The following DLG2 variants were observed in gnomAD, a reference collection of about 807,000 sequenced individuals.
The protein encoded by DLG2 is disks large homolog 2.
In DLG2, 45 loss-of-function variants were observed where a neutral mutation model predicts 132.5. The observed-to-expected ratio is 0.34, with a 90% CI of 0.27 to 0.44. DLG2 has a LOEUF of 0.44. DLG2 is among the 20% of genes least tolerant of loss of function. The pLI, the probability that DLG2 is intolerant of heterozygous loss-of-function variation, is 1.00. For synonymous variants in DLG2, 424 were observed against 419.6 expected, an observed-to-expected ratio of 1.01 and a Z score of -0.13; for missense variants, 1,045 against 1,196.9, an observed-to-expected ratio of 0.87 and a Z score of 1.87.
At chr11:83,916,944 G>A in intron 15 of DLG2, among the ~76,000 whole-genome samples, 1 of 152,080 alleles carries the variant, frequency 6.6e-6, no homozygotes, top group East Asian at 1.9e-4. Context: ...TGAGTCTCTT[G>A]ATTTTGCTGG....
chr11:84,600,134 A>C (rs1235384695), intron 6 of DLG2, among the ~76,000 whole-genome samples: 1 of 147,698 alleles, frequency 6.8e-6, no homozygotes, highest in Non-Finnish European at 1.5e-5. Context: ...AAGAGAAAGA[A>C]AGAAAGAAGG....
At chr11:85,006,738 C>T (rs1354598819) in intron 6 of DLG2, among the ~76,000 whole-genome samples, 1 of 151,778 alleles carries the variant, frequency 6.6e-6, no homozygotes, top group African/African-American at 2.4e-5. Flanking sequence ...TTCAGTTCTG[C>T]TCTGATCTTA....
At chr11:84,373,270 C>CAA (rs1299753951) in intron 7 of DLG2, among the ~76,000 whole-genome samples, 5 of 45,162 alleles carry the variant, frequency 1.1e-4, no homozygotes, top group South Asian at 7.4e-4. Context: ...AAAAACAAAA[C>CAA]AAAAAAAAAA....
chr11:83,808,385 C>A (rs966828971), intron 17 of DLG2, among the ~76,000 whole-genome samples: 1 of 152,142 alleles, frequency 6.6e-6, no homozygotes, highest in Non-Finnish European at 1.5e-5. Flanking sequence ...GAGAGGCTGG[C>A]TGCAGGTTCT....
At chr11:84,761,294 G>T (rs2067597756) in intron 6 of DLG2, among the ~76,000 whole-genome samples, 1 of 152,202 alleles carries the variant, frequency 6.6e-6, no homozygotes, top group Admixed American at 6.5e-5. Context: ...TGTAACATTT[G>T]GTAATGAAGC....
intron 6 of DLG2, among the ~76,000 whole-genome samples, chr11:84,937,947 C>G (rs2048946698): frequency 6.6e-6 from 1 of 152,118 alleles, no homozygotes; most frequent in African/African-American, 2.4e-5. Context: ...TGAGAAAACT[C>G]TGGCCCAGAA....
chr11:85,432,455 T>C (rs546819912), intron 3 of DLG2, among the ~76,000 whole-genome samples: 40 of 152,084 alleles, frequency 2.6e-4, no homozygotes, highest in Non-Finnish European at 5.6e-4. Context: ...TTACAGGAGC[T>C]ACTAACTAGA....
intron 3 of DLG2, among the ~76,000 whole-genome samples, chr11:85,324,750 G>C (rs1423011137): frequency 2.0e-5 from 3 of 152,168 alleles, no homozygotes; most frequent in Non-Finnish European, 4.4e-5. Flanking sequence ...AGAAGAAAAA[G>C]AAGTTGGGGA....
chr11:84,451,961 G>T (rs2099052747), intron 7 of DLG2, among the ~76,000 whole-genome samples: 2 of 151,664 alleles, frequency 1.3e-5, no homozygotes, highest in African/African-American at 4.8e-5. Context: ...TGAACTCACA[G>T]ATCTATCACA....
At chr11:84,359,743 T>C (rs1315724570) in intron 7 of DLG2, among the ~76,000 whole-genome samples, 1 of 151,428 alleles carries the variant, frequency 6.6e-6, no homozygotes, top group Non-Finnish European at 1.5e-5. Flanking sequence ...CATCCTTTCT[T>C]CTTAAGCATA....
At chr11:83,610,018 A>G (rs2059882841) in intron 19 of DLG2, among the ~76,000 whole-genome samples, 1 of 152,166 alleles carries the variant, frequency 6.6e-6, no homozygotes, top group Non-Finnish European at 1.5e-5. Context: ...TGACAGTGTA[A>G]CCCCAGGGTC....
chr11:83,528,066 C>T (rs1009807200), intron 21 of DLG2, among the ~76,000 whole-genome samples: 4 of 152,172 alleles, frequency 2.6e-5, no homozygotes, highest in African/African-American at 9.7e-5. Context: ...AGCTTGACTG[C>T]ATTGCTATCT....
At chr11:85,027,483 C>T (rs76326302) in intron 6 of DLG2, among the ~76,000 whole-genome samples, 2,980 of 152,300 alleles carry the variant, frequency 0.02, 53 homozygotes, top group Admixed American at 0.042. Flanking sequence ...GTTCCACCCA[C>T]TTGGCCTGGC....
At chr11:84,518,370 A>T (rs2099280010) in intron 7 of DLG2, among the ~76,000 whole-genome samples, 1 of 152,122 alleles carries the variant, frequency 6.6e-6, no homozygotes, top group South Asian at 2.1e-4. Flanking sequence ...CATAGAAAAT[A>T]ATTTAGCTAA....
intron 6 of DLG2, among the ~76,000 whole-genome samples, chr11:84,546,049 C>A (rs2099389178): frequency 1.3e-5 from 2 of 152,112 alleles, no homozygotes; most frequent in African/African-American, 4.8e-5. Flanking sequence ...ACCCACCATG[C>A]CTGGCTCTTA....
At chr11:84,224,880 A>G (rs2096967996) in intron 8 of DLG2, among the ~76,000 whole-genome samples, 1 of 152,096 alleles carries the variant, frequency 6.6e-6, no homozygotes, top group Non-Finnish European at 1.5e-5. Flanking sequence ...TTTGTATATG[A>G]CTGTCTTATC....
intron 3 of DLG2, among the ~76,000 whole-genome samples, chr11:85,408,146 T>C (rs1411853636): frequency 6.7e-6 from 1 of 149,820 alleles, no homozygotes; most frequent in South Asian, 2.1e-4. Flanking sequence ...ATATTTATTA[T>C]TTATAAAATA....
intron 19 of DLG2, among the ~76,000 whole-genome samples, chr11:83,623,273 T>C (rs1490448728): frequency 6.6e-6 from 1 of 152,200 alleles, no homozygotes. Flanking sequence ...TCTGAGATGA[T>C]TACCAAATAG....
intron 3 of DLG2, among the ~76,000 whole-genome samples, chr11:85,556,694 T>C (rs747388969): frequency 1.3e-5 from 2 of 151,960 alleles, no homozygotes; most frequent in South Asian, 4.2e-4. Flanking sequence ...ATGTAATGAA[T>C]TGGACAAATC....
Sources: allele counts gnomAD v4.1 joint callset (sites outside exome capture counted in the v4.1 genomes callset), GRCh38; gene constraint gnomAD v4.1.1; transcripts MANE v1.5; gene names NCBI Gene and HGNC (gene_info 2026-07-23, HGNC 2026-07-21).